Variants in GYG2 observed in about 807,000 individuals in gnomAD.
GYG2 encodes glycogenin-2.
A neutral mutation model predicts 29.4 loss-of-function variants in GYG2; 29 were observed. The ratio of observed to expected loss-of-function variants is 0.99; its 90% CI spans 0.74 to 1.35. GYG2 has a LOEUF of 1.35. GYG2 is among the 40% of genes most tolerant of loss of function. The probability of loss-of-function intolerance (pLI) is 0.00; values close to 1 mark genes in which losing one functional copy is unlikely to be tolerated. For missense variants in GYG2, 370 were observed against 385.7 expected, an observed-to-expected ratio of 0.96 and a Z score of 0.34; for synonymous variants, 167 against 172.3, an observed-to-expected ratio of 0.97 and a Z score of 0.24.
chrX:2,842,298 G>A (rs1419948710), intron 2 of GYG2, among the ~76,000 whole-genome samples: 2 of 109,099 alleles, frequency 1.8e-5, no homozygotes, highest in Non-Finnish European at 3.8e-5. Context: ...GTGCTCAAGC[G>A]ATCCGCCTGC....
chrX:2,863,464 T>G (rs893631950), intron 8 of GYG2, among the ~76,000 whole-genome samples: 5 of 112,172 alleles, frequency 4.5e-5, no homozygotes, highest in African/African-American at 1.6e-4. Flanking sequence ...ATCTGGGGAC[T>G]GGGCTGAAGG....
chrX:2,859,244 A>G, intron 6 of GYG2, among the ~76,000 whole-genome samples: 1 of 102,909 alleles, frequency 9.7e-6, no homozygotes, highest in East Asian at 3.2e-4. Flanking sequence ...CATTGATAGT[A>G]CTAGTATATT....
At chrX:2,870,986 T>C (rs2088453861) in intron 8 of GYG2, among the ~76,000 whole-genome samples, 1 of 95,755 alleles carries the variant, frequency 1.0e-5, no homozygotes, top group African/African-American at 3.4e-5. Flanking sequence ...CTGAATCATA[T>C]TATCATAACC....
At chrX:2,866,869 C>T (rs888607383) in intron 8 of GYG2, among the ~76,000 whole-genome samples, 26 of 110,292 alleles carry the variant, frequency 2.4e-4, no homozygotes, top group African/African-American at 7.0e-4. Context: ...CCAGCAGCCA[C>T]GAGAAGGTCA....
intron 10 of GYG2, chrX:2,878,096 C>T: frequency 2.7e-6 from 2 of 748,338 alleles, no homozygotes; most frequent in Non-Finnish European, 3.2e-6. Flanking sequence ...TTCTTATAAA[C>T]ATGTGAATGT....
intron 8 of GYG2, among the ~76,000 whole-genome samples, chrX:2,871,583 G>A (rs1299697336): frequency 4.5e-5 from 5 of 110,427 alleles, no homozygotes; most frequent in Non-Finnish European, 9.4e-5. Context: ...CCAGCTACTC[G>A]GGAGGCTGAG....
chrX:2,863,696 T>C, intron 8 of GYG2, among the ~76,000 whole-genome samples: 1 of 112,158 alleles, frequency 8.9e-6, no homozygotes, highest in East Asian at 2.8e-4. Flanking sequence ...TAGGTTCAGA[T>C]GGTGAAGACT....
intron 8 of GYG2, among the ~76,000 whole-genome samples, chrX:2,873,552 C>T (rs182809546): frequency 2.0e-3 from 224 of 110,937 alleles, no homozygotes; most frequent in Admixed American, 3.6e-3. Flanking sequence ...TCTCCTCCTC[C>T]TCCTCCTGCT....
chrX:2,854,963 C>G (rs753513138), intron 4 of GYG2, 30 bp from the exon 5 acceptor site: 1 of 1,193,431 alleles, frequency 8.4e-7, no homozygotes, highest in Non-Finnish European at 1.1e-6. Context: ...AGAAGCATTG[C>G]GGCGGGTTCT....
chrX:2,834,550 A>C (rs1308164836), intron 2 of GYG2, among the ~76,000 whole-genome samples: 1 of 106,826 alleles, frequency 9.4e-6, no homozygotes, highest in Non-Finnish European at 1.9e-5. Flanking sequence ...AATGTTTCTC[A>C]TGGAGCTGTG....
At chrX:2,878,071 G>T in intron 10 of GYG2, 2 of 746,685 alleles carry the variant, frequency 2.7e-6, no homozygotes, top group Non-Finnish European at 3.2e-6. Flanking sequence ...TAGAGCTGTT[G>T]GTTGAGGTCC....
intron 6 of GYG2, among the ~76,000 whole-genome samples, chrX:2,857,300 A>G (rs1203637390): frequency 9.2e-6 from 1 of 108,699 alleles, no homozygotes; most frequent in Non-Finnish European, 1.9e-5. Flanking sequence ...TTATCTATCT[A>G]TCTATCTAGA....
At chrX:2,855,739 A>C (rs4892900) in intron 5 of GYG2, among the ~76,000 whole-genome samples, 55,575 of 109,597 alleles carry the variant, frequency 0.51, 11,152 homozygotes, top group African/African-American at 0.75. Flanking sequence ...CAGCCTAGGC[A>C]ACGTGGCAAG....
At chrX:2,844,388 G>A (rs188156682) in intron 3 of GYG2, among the ~76,000 whole-genome samples, 76 of 111,484 alleles carry the variant, frequency 6.8e-4, no homozygotes, top group African/African-American at 2.2e-3. Context: ...AGCAAAGACA[G>A]CAACTACAGT....
At chrX:2,865,936 G>A (rs974110451) in intron 8 of GYG2, among the ~76,000 whole-genome samples, 3 of 111,570 alleles carry the variant, frequency 2.7e-5, no homozygotes, top group Non-Finnish European at 5.6e-5. Context: ...TCTGCCCCCC[G>A]TCCATGTTTT....
At chrX:2,872,529 T>A (rs191032613) in intron 8 of GYG2, among the ~76,000 whole-genome samples, 9 of 112,539 alleles carry the variant, frequency 8.0e-5, no homozygotes, top group Non-Finnish European at 1.3e-4. Flanking sequence ...ATTCGTAAGA[T>A]TAACACATCT....
At chrX:2,869,580 G>C (rs1302274087) in intron 8 of GYG2, among the ~76,000 whole-genome samples, 8 of 112,154 alleles carry the variant, frequency 7.1e-5, no homozygotes, top group Admixed American at 9.5e-5. Context: ...TGTGCGTCTG[G>C]GGCTCTTTAG....
intron 3 of GYG2, among the ~76,000 whole-genome samples, chrX:2,844,462 A>G (rs1339396650): frequency 9.0e-6 from 1 of 110,556 alleles, no homozygotes; most frequent in African/African-American, 3.3e-5. Flanking sequence ...ATGTATATAC[A>G]CACACGTATG....
chrX:2,850,786 T>A (rs979293195), intron 3 of GYG2, among the ~76,000 whole-genome samples: 6 of 109,929 alleles, frequency 5.5e-5, no homozygotes, highest in Admixed American at 2.0e-4. Context: ...GTAATTTTCC[T>A]TGACCTACCC....
Sources: allele counts gnomAD v4.1 joint callset (sites outside exome capture counted in the v4.1 genomes callset), GRCh38; gene constraint gnomAD v4.1.1; transcripts MANE v1.5; gene names NCBI Gene and HGNC (gene_info 2026-07-23, HGNC 2026-07-21).